Variants in CDCA4 observed in about 807,000 individuals in gnomAD.
CDCA4 encodes cell division cycle-associated protein 4.
For missense variants in CDCA4, 294 were observed against 322.1 expected, an observed-to-expected ratio of 0.91 and a Z score of 0.67; for synonymous variants, 130 against 137.0, an observed-to-expected ratio of 0.95 and a Z score of 0.36.
intron 1 of CDCA4, among the ~76,000 whole-genome samples, chr14:105,017,643 A>G (rs1265552903): frequency 1.3e-5 from 2 of 152,000 alleles, no homozygotes; most frequent in African/African-American, 4.8e-5. Flanking sequence ...CATCCTGGCC[A>G]ACACGATGAA....
chr14:105,018,600 G>A (rs1405821583), intron 1 of CDCA4, among the ~76,000 whole-genome samples: 5 of 152,102 alleles, frequency 3.3e-5, no homozygotes, highest in African/African-American at 4.8e-5. Context: ...CAGCCCCGAG[G>A]GATGCCTGGG....
At position 105,011,869 on chromosome 14, in the gene CDCA4, G is replaced by C. The variant is rs1442766551; in HGVS notation, c.61C>G (p.Leu21Val). The C allele has an allele frequency of 6.2e-7, 1 of 1,613,964 alleles. No individual in the cohort carries two copies. The highest frequency in any genetic ancestry group is 1.3e-5 in the African/African-American group (1 of 75,056). ...VGHEEDVEGA[L>V]AGLKTVSSYS... ...GAGGACACTGTCTTCAAGCCGGCCAGGGCTCCCTCCACGTCTTCCTCGTGG... is the reference window on the plus strand; with the variant it reads ...GAGGACACTGTCTTCAAGCCGGCCACGGCTCCCTCCACGTCTTCCTCGTGG... The change falls in exon 2 of 2, where the codon CTG (leucine) becomes GTG (valine). Residue 21 changes from leucine to valine, a missense_variant. By Grantham distance (32) the Leu-to-Val change is conservative. Transcript: ENST00000336219.
rs767235773 is a variant in CDCA4, at chr14:105,011,600, C to T, written c.330G>A (p.Gly110=). The change falls in exon 2 of 2, where the codon GGG becomes GGA. Residue 110 remains glycine, a synonymous_variant. Coordinates refer to ENST00000336219, the MANE Select transcript of CDCA4 (RefSeq NM_017955.4). The stretch of plus-strand genomic sequence containing the variant: ...CCCCCAAGCCAGGAGCAGGATGTGC[C>T]CCCTCTTGCCCCCACGCTGCACGGC... ...ILCRAAWGQE[G]AHPAPGLGDG... 1.0e-4 allele frequency: 169 copies of T among 1,613,806 alleles called. No individual in the cohort carries two copies. The highest frequency in any genetic ancestry group is 1.3e-4 in the Non-Finnish European group (157 of 1,180,040).
At position 105,010,494 on chromosome 14, in the gene CDCA4, AG is replaced by A. The variant is rs1900470433; in HGVS notation, c.*709del. On this transcript the variant is annotated 3_prime_UTR_variant, in exon 2 of 2. Coordinates refer to ENST00000336219, the MANE Select transcript of CDCA4 (RefSeq NM_017955.4). ...TCCTCCATAATTTACTCTTAGGTCT[AG>A]GAAGATGTGGCTGTGTGCGGCTCCT... 6.6e-6 allele frequency: 1 copy of A among 152,282 alleles called. No individual in the cohort carries two copies. Among genetic ancestry groups the A allele is most frequent in the Non-Finnish European group, 1.5e-5 (1 of 68,050 alleles). The allele number at this position is 152,282 out of a possible 1,614,324, so 9.4% of individuals were successfully genotyped here. A position where few individuals can be genotyped will look rare whatever the true frequency, so the allele number is the denominator to read the frequency against.
intron 1 of CDCA4, among the ~76,000 whole-genome samples, chr14:105,017,943 AAC>A (rs1269551540): frequency 6.6e-6 from 1 of 152,166 alleles, no homozygotes; most frequent in Non-Finnish European, 1.5e-5. Context: ...TGATTTATGC[AAC>A]ACGGATAAAT....
At chr14:105,016,382 T>A (rs1214849409) in intron 1 of CDCA4, among the ~76,000 whole-genome samples, 1 of 152,118 alleles carries the variant, frequency 6.6e-6, no homozygotes, top group Non-Finnish European at 1.5e-5. Flanking sequence ...TAACTTTAGG[T>A]GTTTTGGTAT....
At chr14:105,013,101 C>G (rs905416308) in intron 1 of CDCA4, among the ~76,000 whole-genome samples, 5 of 152,122 alleles carry the variant, frequency 3.3e-5, no homozygotes, top group South Asian at 2.1e-4. Flanking sequence ...GCACCTAAGG[C>G]TCAGCCTTGC....
At chr14:105,017,967 A>C (rs1566939881) in intron 1 of CDCA4, among the ~76,000 whole-genome samples, 1 of 152,180 alleles carries the variant, frequency 6.6e-6, no homozygotes, top group Non-Finnish European at 1.5e-5. Context: ...TCAAAACATT[A>C]TGCTGAATAA....
intron 1 of CDCA4, among the ~76,000 whole-genome samples, chr14:105,017,425 T>C (rs1376882885): frequency 4.6e-5 from 7 of 152,050 alleles, no homozygotes; most frequent in Non-Finnish European, 8.8e-5. Flanking sequence ...GGTTTCGCCA[T>C]GTTGGCCAGG....
chr14:105,011,508 A>G lies in CDCA4; in HGVS notation c.422T>C (p.Leu141Pro). The part of the protein sequence containing the change: ...PVTSAQAPRH[L>P]QSSAWEMDGP... ...ATCCATCTCCCAGGCGCTGCTCTGC[A>G]GGTGCCTTGGTGCCTGTGCTGAGGT... Residue 141 changes from leucine (L) to proline (P), a missense_variant, in exon 2 of 2, where the codon CTG becomes CCG. Leu to Pro is a moderately conservative substitution (Grantham distance 98). Coordinates refer to ENST00000336219, the MANE Select transcript of CDCA4 (RefSeq NM_017955.4). The G allele has an allele frequency of 3.7e-6, 6 of 1,614,164 alleles. No homozygotes were observed. In the South Asian group the frequency reaches 6.6e-5, roughly 18 times the overall value.
chr14:105,013,426 G>A (rs1373100338), intron 1 of CDCA4, among the ~76,000 whole-genome samples: 4 of 152,242 alleles, frequency 2.6e-5, no homozygotes, highest in Admixed American at 6.5e-5. Context: ...TGCTTGTAAT[G>A]TAGTGAAATA....
At position 105,011,539 on chromosome 14, in the gene CDCA4, G is replaced by A; in HGVS notation, c.391C>T (p.Pro131Ser). ...HTQGPVSDLC[P>S]VTSAQAPRHL... is the part of the protein sequence containing the mutation. Reference sequence around the variant, plus strand: ...CTTGGTGCCTGTGCTGAGGTGACTGGGCAAAGGTCAGAAACTGGACCCTGT... The same window carrying A: ...CTTGGTGCCTGTGCTGAGGTGACTGAGCAAAGGTCAGAAACTGGACCCTGT... Residue 131 changes from proline to serine, a missense_variant, in exon 2 of 2, where the codon CCA (proline) becomes TCA (serine). Pro to Ser is a moderately conservative substitution (Grantham distance 74). Transcript: ENST00000336219. 3 of 1,614,138 alleles carry A rather than the reference G, an allele frequency of 1.9e-6. No individual in the cohort carries two copies. The highest frequency in any genetic ancestry group is 2.5e-6 in the Non-Finnish European group (3 of 1,180,018).
intron 1 of CDCA4, among the ~76,000 whole-genome samples, chr14:105,013,681 T>A (rs1900564508): frequency 6.6e-6 from 1 of 152,062 alleles, no homozygotes; most frequent in African/African-American, 2.4e-5. Context: ...CAGGAGCCCC[T>A]CTGGAGGCTC....
At chr14:105,019,538 T>C (rs1014105775) in intron 1 of CDCA4, among the ~76,000 whole-genome samples, 2 of 152,230 alleles carry the variant, frequency 1.3e-5, no homozygotes, top group Non-Finnish European at 2.9e-5. Flanking sequence ...AAGCAAATCA[T>C]CAACAATTTC....
In CDCA4 at chr14:105,011,020, G is replaced by A. The variant is rs1900483683; in HGVS notation, c.*184C>T. 2 of 692,688 alleles carry A rather than the reference G, an allele frequency of 2.9e-6. No individual in the cohort carries two copies. Among genetic ancestry groups the A allele is most frequent in the Non-Finnish European group, 2.4e-6 (1 of 425,210 alleles). 42.9% of individuals were successfully genotyped at this position (692,688 alleles called of 1,614,324 possible). A position where few individuals can be genotyped will look rare whatever the true frequency, so the allele number is the denominator to read the frequency against. The stretch of plus-strand genomic sequence containing the variant: ...AACAGCCTCTGCCTGGCGCTCCACA[G>A]GGGGGAGGTGAGTGGGACGGGCCTA... On this transcript the variant is annotated 3_prime_UTR_variant, in exon 2 of 2. Coordinates refer to ENST00000336219, the MANE Select transcript of CDCA4 (RefSeq NM_017955.4).
Position 105,015,728 on chromosome 14 carries a change from A to C in CDCA4, c.-6-3793T>G, listed in dbSNP as rs11628851. On this transcript the variant is annotated intron_variant, in intron 1 of 1. Transcript: ENST00000336219. ...CGCCCAGGCTGGAGTGCAGTGGCGC[A>C]ATCTCAGCTCACCGCAACCTCCGCC... Among the ~76,000 whole-genome samples the C allele has an allele frequency of 1.9e-4, 29 of 152,052 alleles. No individual in the cohort carries two copies. In the East Asian group the frequency reaches 3.5e-3, roughly 18 times the overall value.
chr14:105,011,682 G>A lies in CDCA4; in HGVS notation c.248C>T (p.Ala83Val), dbSNP rs759018743. 3 of 1,613,532 alleles carry A rather than the reference G, an allele frequency of 1.9e-6. No individual in the cohort carries two copies. The African/African-American group carries it at 4.0e-5, about 22-fold the overall frequency. Reference sequence around the variant, plus strand: ...CGGCGCCCGCTCTGCAGCCTGGGGTGCCACTGTGCGCCACGTCCCATCCTG... The same window carrying A: ...CGGCGCCCGCTCTGCAGCCTGGGGTACCACTGTGCGCCACGTCCCATCCTG... ...MTQDGTWRTVAPQAAERAPLD... is the reference protein window; with the variant it reads ...MTQDGTWRTVVPQAAERAPLD... The change falls in exon 2 of 2, where the codon GCA becomes GTA. Residue 83 changes from alanine to valine, a missense_variant. Ala to Val is a moderately conservative substitution (Grantham distance 64, BLOSUM62 0). Transcript: ENST00000336219.
At chr14:105,015,334 C>A (rs2140910036) in intron 1 of CDCA4, among the ~76,000 whole-genome samples, 1 of 152,326 alleles carries the variant, frequency 6.6e-6, no homozygotes, top group Middle Eastern at 3.4e-3. Context: ...CAGAAATCAC[C>A]CTAATAACAT....
intron 1 of CDCA4, among the ~76,000 whole-genome samples, chr14:105,015,904 C>T (rs1900640516): frequency 6.6e-6 from 1 of 152,220 alleles, no homozygotes; most frequent in Non-Finnish European, 1.5e-5. Context: ...GGGTGATCCA[C>T]TCACCTTGGC....
Sources: gnomAD v4.1 joint callset for allele counts (sites outside exome capture counted in the v4.1 genomes callset) on GRCh38, gnomAD v4.1.1 for gene constraint, MANE v1.5 for transcripts, NCBI Gene and HGNC (gene_info 2026-07-23, HGNC 2026-07-21) for gene names.